Variants in RAPGEF6 observed in about 807,000 individuals in gnomAD.
RAPGEF6 encodes Rap guanine nucleotide exchange factor 6.
Under a neutral mutation model 171.4 loss-of-function variants are expected in RAPGEF6, and 56 were observed. The observed-to-expected ratio is 0.33, with a 90% CI of 0.26 to 0.41. The LOEUF (loss-of-function observed/expected upper bound fraction) is 0.41. RAPGEF6 is among the 10% of genes least tolerant of loss of function. The probability of loss-of-function intolerance (pLI) is 1.00; values close to 1 mark genes in which losing one functional copy is unlikely to be tolerated. For synonymous variants in RAPGEF6, 692 were observed against 650.1 expected (o/e 1.06, Z -0.98); for missense variants, 1,674 against 1,921.4 (o/e 0.87, Z 2.41).
At position 131,527,072 on chromosome 5, in the gene RAPGEF6, T is replaced by A. The variant is rs116021064; in HGVS notation, c.496-5551A>T. Among the ~76,000 whole-genome samples, 255 of 152,256 alleles carry A rather than the reference T, an allele frequency of 1.7e-3. 1 individual carries two copies. The highest frequency in any genetic ancestry group is 5.9e-3 in the African/African-American group (244 of 41,544). On this transcript the variant is annotated intron_variant, in intron 6 of 27. Transcript: ENST00000509018. The stretch of plus-strand genomic sequence containing the variant: ...TACTATAGGTTTCTGGGAAGGGCAG[T>A]GATATAAGAGCTACTATATTTCTCA...
chr5:131,531,148 CGAT>C, intron 6 of RAPGEF6, among the ~76,000 whole-genome samples: 1 of 152,264 alleles, frequency 6.6e-6, no homozygotes, highest in East Asian at 1.9e-4. Flanking sequence ...AAAAACACCA[CGAT>C]GCTATCATAG....
At chr5:131,504,879 A>G in intron 10 of RAPGEF6, 101 bp from the exon 11 acceptor site, 1 of 1,131,946 alleles carries the variant, frequency 8.8e-7, no homozygotes, top group Non-Finnish European at 1.2e-6. Flanking sequence ...TAGCGGCATT[A>G]GTTCTTTTTC....
At chr5:131,572,722 T>C (rs1561573056) in intron 4 of RAPGEF6, among the ~76,000 whole-genome samples, 1 of 152,150 alleles carries the variant, frequency 6.6e-6, no homozygotes, top group South Asian at 2.1e-4. Flanking sequence ...TTCTCCACTA[T>C]GGGCAACCTT....
At position 131,453,143 on chromosome 5, in the gene RAPGEF6, A is replaced by G. The variant is rs1227468476; in HGVS notation, c.3111T>C (p.Phe1037=). The G allele has an allele frequency of 3.7e-6, 6 of 1,613,858 alleles. No homozygotes were observed. The highest frequency in any genetic ancestry group is 5.1e-6 in the Non-Finnish European group (6 of 1,179,828). The stretch of plus-strand genomic sequence containing the variant: ...CCTTGGAAATCATTCTTAACTTCTC[A>G]AAGTTTACTAAACCATCTACTTTGG... The part of the protein sequence containing the change: ...NDSKVDGLVN[F]EKLRMISKEI... Residue 1037 remains phenylalanine (F), a synonymous_variant, in exon 21 of 28, where the codon TTT becomes TTC. Transcript: ENST00000509018.
chr5:131,588,521 T>C (rs1158530479), intron 4 of RAPGEF6, among the ~76,000 whole-genome samples: 1 of 152,078 alleles, frequency 6.6e-6, no homozygotes, highest in Non-Finnish European at 1.5e-5. Flanking sequence ...CGCAGGTGGA[T>C]CACTTGAGGT....
At position 131,491,426 on chromosome 5, in the gene RAPGEF6, A is replaced by G. The variant is rs558057836; in HGVS notation, c.1731+1156T>C. ...ATAAAGCCACATTCTAAAATGAAAG[A>G]ACAAAATTTTAAATGGGGAGAAAGC... On this transcript the variant is annotated intron_variant, in intron 14 of 27. Transcript: ENST00000509018. Among the ~76,000 whole-genome samples the G allele has an allele frequency of 3.5e-4, 54 of 152,356 alleles. 1 individual carries two copies. The highest frequency in any genetic ancestry group is 3.5e-3 in the Admixed American group (54 of 15,302).
rs564560394 is a variant in RAPGEF6, at chr5:131,427,193, C to G, written c.*73G>C. ...CAATGAGCTGTTCGTTAGCAATGGC[C>G]TGCAGAATCATGAGGTGGTTCTTGC... On this transcript the variant is annotated 3_prime_UTR_variant, in exon 28 of 28. Transcript: ENST00000509018. 6.4e-6 allele frequency: 9 copies of G among 1,409,784 alleles called. No homozygotes were observed. In the East Asian group the frequency reaches 1.8e-4, roughly 29 times the overall value. The allele number at this position is 1,409,784 out of a possible 1,614,324, so 87.3% of individuals were successfully genotyped here.
rs116093256 is a variant in RAPGEF6 at position 131,589,441 on chromosome 5, T to C, written c.281+2942A>G. On this transcript the variant is annotated intron_variant, in intron 4 of 27. Transcript: ENST00000509018. ...TGATTGTTGTTGTGTGTCTCCTTAT[T>C]TGGGGGAGAGGGTAAGAACTCCATT... Among the ~76,000 whole-genome samples the C allele has an allele frequency of 4.4e-3, 677 of 152,318 alleles. 3 individuals are homozygous for C. The highest frequency in any genetic ancestry group is 7.5e-3 in the Non-Finnish European group (509 of 68,012).
intron 1 of RAPGEF6, among the ~76,000 whole-genome samples, chr5:131,629,968 C>G (rs564110906): frequency 2.0e-5 from 3 of 152,210 alleles, no homozygotes; most frequent in African/African-American, 7.2e-5. Context: ...TTTAGAATAC[C>G]ACATAAGCTT....
chr5:131,549,887 GC>G (rs1164316604), intron 5 of RAPGEF6, among the ~76,000 whole-genome samples: 2 of 151,936 alleles, frequency 1.3e-5, no homozygotes, highest in Non-Finnish European at 2.9e-5. Flanking sequence ...CCACCAAAAT[GC>G]CCCAGTGTGT....
At chr5:131,495,867 G>T (rs1292682388) in intron 12 of RAPGEF6, among the ~76,000 whole-genome samples, 1 of 152,164 alleles carries the variant, frequency 6.6e-6, no homozygotes, top group Non-Finnish European at 1.5e-5. Context: ...CCAGGACACT[G>T]TCCACTCAGT....
At chr5:131,620,426 C>T (rs1196111040) in intron 1 of RAPGEF6, among the ~76,000 whole-genome samples, 1 of 152,170 alleles carries the variant, frequency 6.6e-6, no homozygotes, top group African/African-American at 2.4e-5. Flanking sequence ...TTACTGGTTC[C>T]CTAATTTAGT....
chr5:131,579,761 GAC>G (rs779831003), intron 4 of RAPGEF6, among the ~76,000 whole-genome samples: 9 of 152,182 alleles, frequency 5.9e-5, no homozygotes, highest in Non-Finnish European at 1.2e-4. Flanking sequence ...CCTTTAGCTA[GAC>G]ACAGAGTGCT....
chr5:131,543,311 G>A (rs1391786846), intron 6 of RAPGEF6, among the ~76,000 whole-genome samples: 3 of 152,014 alleles, frequency 2.0e-5, no homozygotes, highest in African/African-American at 4.8e-5. Context: ...CAAATAAACT[G>A]ATTAAGTAGA....
rs775615943 is a variant in RAPGEF6 at position 131,495,537 on chromosome 5, T to C, written c.1527+16A>G. ...ACCACTACACTCTGAAGAATAGAAA[T>C]TATTTTGAGCCTTACTGTATCTTCC... is the stretch of plus-strand genomic sequence containing the variant. On this transcript the variant is annotated intron_variant, in intron 13 of 27. Transcript: ENST00000509018. 1.1e-5 allele frequency: 18 copies of C among 1,603,740 alleles called. No individual in the cohort carries two copies. The highest frequency in any genetic ancestry group is 1.5e-5 in the Non-Finnish European group (17 of 1,171,386).
At chr5:131,560,365 T>G (rs774413652) in intron 5 of RAPGEF6, among the ~76,000 whole-genome samples, 2 of 152,212 alleles carry the variant, frequency 1.3e-5, no homozygotes, top group Non-Finnish European at 2.9e-5. Flanking sequence ...ACCAACAATG[T>G]CATTTATAGC....
intron 4 of RAPGEF6, among the ~76,000 whole-genome samples, chr5:131,577,451 C>T (rs1243947835): frequency 2.0e-5 from 3 of 152,196 alleles, no homozygotes; most frequent in African/African-American, 4.8e-5. Context: ...GATGTACCTT[C>T]TTGTTGGGCC....
intron 4 of RAPGEF6, 82 bp from the exon 5 acceptor site, chr5:131,562,129 C>CA: frequency 1.1e-6 from 1 of 894,392 alleles, no homozygotes; most frequent in Non-Finnish European, 1.7e-6. Context: ...AAACAAACAA[C>CA]AAAAAAGCCC....
rs72787063 is a variant in RAPGEF6, at chr5:131,458,576, C to T, written c.2865-2564G>A. Among the ~76,000 whole-genome samples the T allele has an allele frequency of 9.2e-3, 1,399 of 152,282 alleles. 5 individuals are homozygous for T. Among genetic ancestry groups the T allele is most frequent in the Non-Finnish European group, 0.015 (1,004 of 68,016 alleles). Reference sequence around the variant, plus strand: ...AATAAGTGTTCTTGGATGGCAAGAGCCATTGTTACAAAGCTATCAAATGTC... The same window carrying T: ...AATAAGTGTTCTTGGATGGCAAGAGTCATTGTTACAAAGCTATCAAATGTC... On this transcript the variant is annotated intron_variant, in intron 19 of 27. Coordinates refer to ENST00000509018, the MANE Select transcript of RAPGEF6 (RefSeq NM_016340.6).
Sources: allele counts gnomAD v4.1 joint callset (sites outside exome capture counted in the v4.1 genomes callset), GRCh38; gene constraint gnomAD v4.1.1; transcripts MANE v1.5; gene names NCBI Gene and HGNC (gene_info 2026-07-23, HGNC 2026-07-21).